Variants in LRRC4C observed in about 807,000 individuals in gnomAD.
LRRC4C encodes the protein leucine rich repeat containing 4C.
In LRRC4C, 5 loss-of-function variants were observed where a neutral mutation model predicts 33.6. The ratio of observed to expected loss-of-function variants is 0.15; its 90% CI spans 0.08 to 0.31. LRRC4C has a LOEUF of 0.31. Ranked by LOEUF, LRRC4C falls within the 10% of genes least tolerant of loss-of-function variation. The pLI, the probability that LRRC4C is intolerant of heterozygous loss-of-function variation, is 1.00. For missense variants in LRRC4C, 560 were observed against 796.7 expected, an observed-to-expected ratio of 0.70 and a Z score of 3.58; for synonymous variants, 329 against 302.0, an observed-to-expected ratio of 1.09 and a Z score of -0.93.
At chr11:40,852,501 T>G (rs1293269512) in intron 2 of LRRC4C, among the ~76,000 whole-genome samples, 2 of 152,166 alleles carry the variant, frequency 1.3e-5, no homozygotes, top group Non-Finnish European at 2.9e-5. Context: ...GTGACTGTCA[T>G]AAAAGAGAAT....
At position 41,123,691 on chromosome 11, in the gene LRRC4C, G is replaced by T. The variant is rs556932279; in HGVS notation, c.-495-189968C>A. Among the ~76,000 whole-genome samples the T allele has an allele frequency of 4.5e-4, 68 of 151,998 alleles. 2 individuals carry two copies. In the South Asian group the frequency reaches 0.014, roughly 30 times the overall value. On this transcript the variant is annotated intron_variant, in intron 1 of 6. Transcript: ENST00000528697. ...GAGTTCACTCAATTTTTTCTCAGGT[G>T]ATATGATTTCTAAGCCTTTCACAAA...
chr11:40,255,595 AAATGCTC>A (rs1340060456), intron 4 of LRRC4C, among the ~76,000 whole-genome samples: 4 of 152,160 alleles, frequency 2.6e-5, no homozygotes, highest in Non-Finnish European at 4.4e-5. Context: ...AAAGGGGGAG[AAATGCTC>A]AATGCATCTG....
chr11:41,114,584 A>T (rs114825080), intron 1 of LRRC4C, among the ~76,000 whole-genome samples: 400 of 152,160 alleles, frequency 2.6e-3, no homozygotes, highest in African/African-American at 9.3e-3. Flanking sequence ...ATCAGTAAAC[A>T]TTTCATCCTC....
At chr11:40,294,760 G>C (rs1051140079) in intron 4 of LRRC4C, among the ~76,000 whole-genome samples, 1 of 152,120 alleles carries the variant, frequency 6.6e-6, no homozygotes, top group East Asian at 1.9e-4. Flanking sequence ...CCGGGAGACG[G>C]AGGTTGCAGT....
At chr11:41,016,511 T>C (rs1464651895) in intron 1 of LRRC4C, among the ~76,000 whole-genome samples, 1 of 152,194 alleles carries the variant, frequency 6.6e-6, no homozygotes, top group Non-Finnish European at 1.5e-5. Flanking sequence ...GAACAGATGT[T>C]TTCCCTTTTG....
intron 1 of LRRC4C, among the ~76,000 whole-genome samples, chr11:41,337,442 G>C (rs1193949401): frequency 6.6e-6 from 1 of 152,060 alleles, no homozygotes; most frequent in East Asian, 1.9e-4. Context: ...ATGTAGAAAG[G>C]ATTCTCTTTT....
Position 40,877,048 on chromosome 11 carries a change from T to G in LRRC4C, c.-407+56587A>C, listed in dbSNP as rs183668017. Among the ~76,000 whole-genome samples, 304 of 152,246 alleles carry G rather than the reference T, an allele frequency of 2.0e-3. 1 individual carries two copies. The highest frequency in any genetic ancestry group is 6.9e-3 in the African/African-American group (287 of 41,540). Reference sequence around the variant, plus strand: ...CTGTGTCCATCTCCTCACAGAGCTGTGCAAACAGATGTAAGGGCATGTACT... The same window carrying G: ...CTGTGTCCATCTCCTCACAGAGCTGGGCAAACAGATGTAAGGGCATGTACT... On this transcript the variant is annotated intron_variant, in intron 2 of 6. Transcript: ENST00000528697.
intron 2 of LRRC4C, among the ~76,000 whole-genome samples, chr11:40,705,349 C>T (rs1227151649): frequency 6.6e-6 from 1 of 151,888 alleles, no homozygotes; most frequent in Non-Finnish European, 1.5e-5. Context: ...AACGCTATCC[C>T]TCCCCCATCC....
chr11:41,368,884 T>C (rs1952641706), intron 1 of LRRC4C, among the ~76,000 whole-genome samples: 1 of 152,200 alleles, frequency 6.6e-6, no homozygotes, highest in African/African-American at 2.4e-5. Flanking sequence ...TAAGAACCCA[T>C]TTGTAGACAG....
At chr11:41,024,437 A>G (rs1287058781) in intron 1 of LRRC4C, among the ~76,000 whole-genome samples, 1 of 151,716 alleles carries the variant, frequency 6.6e-6, no homozygotes, top group African/African-American at 2.4e-5. Context: ...AAGTTACTAA[A>G]GTGTTCCAGG....
intron 2 of LRRC4C, among the ~76,000 whole-genome samples, chr11:40,714,910 A>G (rs1946635361): frequency 6.6e-6 from 1 of 152,146 alleles, no homozygotes; most frequent in African/African-American, 2.4e-5. Context: ...ACCTTCCACT[A>G]TACACAAAAT....
chr11:40,734,979 T>A (rs1591584130), intron 2 of LRRC4C, among the ~76,000 whole-genome samples: 1 of 151,150 alleles, frequency 6.6e-6, no homozygotes, highest in East Asian at 2.0e-4. Flanking sequence ...GAGAAAAAAA[T>A]AATCTCTCTC....
chr11:40,932,057 A>G (rs1957653025), intron 2 of LRRC4C, among the ~76,000 whole-genome samples: 1 of 152,166 alleles, frequency 6.6e-6, no homozygotes, highest in Admixed American at 6.6e-5. Flanking sequence ...GTGATGAGAC[A>G]TATACAGTTA....
At chr11:41,323,661 A>G (rs1951022113) in intron 1 of LRRC4C, among the ~76,000 whole-genome samples, 1 of 152,196 alleles carries the variant, frequency 6.6e-6, no homozygotes, top group Admixed American at 6.5e-5. Context: ...CAGGGAATCA[A>G]TGAGCTTTCC....
At chr11:40,502,378 T>C (rs1352779119) in intron 3 of LRRC4C, among the ~76,000 whole-genome samples, 1 of 152,196 alleles carries the variant, frequency 6.6e-6, no homozygotes, top group Non-Finnish European at 1.5e-5. Context: ...TTCATTTTCA[T>C]GCTGCTGATA....
intron 1 of LRRC4C, among the ~76,000 whole-genome samples, chr11:41,028,091 T>C (rs1283168094): frequency 6.6e-6 from 1 of 151,590 alleles, no homozygotes; most frequent in East Asian, 1.9e-4. Context: ...CCAATTCACA[T>C]AAACAAAAAT....
chr11:40,840,714 T>C (rs1952873635), intron 2 of LRRC4C, among the ~76,000 whole-genome samples: 1 of 152,132 alleles, frequency 6.6e-6, no homozygotes, highest in African/African-American at 2.4e-5. Context: ...ATGTTTGACT[T>C]TAAGAAAAAA....
chr11:40,974,110 T>A (rs896434804), intron 1 of LRRC4C, among the ~76,000 whole-genome samples: 1 of 152,200 alleles, frequency 6.6e-6, no homozygotes, highest in African/African-American at 2.4e-5. Context: ...AATGTTCACA[T>A]TTTTCTCTTT....
chr11:40,518,109 T>G (rs1323412599), intron 3 of LRRC4C, among the ~76,000 whole-genome samples: 2 of 151,960 alleles, frequency 1.3e-5, no homozygotes, highest in Admixed American at 6.6e-5. Context: ...AAAAATTAAC[T>G]CAAGGTGGAT....
Sources: allele counts gnomAD v4.1 joint callset (sites outside exome capture counted in the v4.1 genomes callset), GRCh38; gene constraint gnomAD v4.1.1; transcripts MANE v1.5; gene names NCBI Gene and HGNC (gene_info 2026-07-23, HGNC 2026-07-21).